The following CPEB1 variants were observed in gnomAD, a reference collection of about 807,000 sequenced individuals.
CPEB1 encodes the protein cytoplasmic polyadenylation element binding protein 1.
Under a neutral mutation model 65.8 loss-of-function variants are expected in CPEB1, and 7 were observed. That is an observed-to-expected ratio of 0.11 (90% CI 0.06 to 0.20). The LOEUF is 0.20. CPEB1 is among the 10% of genes least tolerant of loss of function. The pLI is 1.00. For synonymous variants in CPEB1, 262 were observed against 260.0 expected, an observed-to-expected ratio of 1.01 and a Z score of -0.08; for missense variants, 551 against 712.2, an observed-to-expected ratio of 0.77 and a Z score of 2.58.
chr15:82,562,834 CAA>C (rs771713486), intron 4 of CPEB1, among the ~76,000 whole-genome samples: 21 of 105,970 alleles, frequency 2.0e-4, no homozygotes, highest in Non-Finnish European at 1.6e-4. Context: ...AATCCTGTCT[CAA>C]AAAAAAAAAA....
chr15:82,613,903 T>G (rs1452839317), intron 3 of CPEB1, among the ~76,000 whole-genome samples: 1 of 151,678 alleles, frequency 6.6e-6, no homozygotes, highest in Non-Finnish European at 1.5e-5. Flanking sequence ...CCCGGGAGGC[T>G]GCCAGGAAGG....
At chr15:82,615,833 T>C (rs1261630321) in intron 3 of CPEB1, among the ~76,000 whole-genome samples, 1 of 152,064 alleles carries the variant, frequency 6.6e-6, no homozygotes, top group Non-Finnish European at 1.5e-5. Flanking sequence ...AATTAACTTC[T>C]AGGTACATAC....
At chr15:82,611,531 A>G (rs1409190546) in intron 3 of CPEB1, among the ~76,000 whole-genome samples, 1 of 151,954 alleles carries the variant, frequency 6.6e-6, no homozygotes, top group African/African-American at 2.4e-5. Context: ...CTGAGGCAGG[A>G]GGACCCTTTG....
intron 3 of CPEB1, among the ~76,000 whole-genome samples, chr15:82,594,523 G>C (rs2042526433): frequency 6.6e-6 from 1 of 152,296 alleles, no homozygotes; most frequent in African/African-American, 2.4e-5. Flanking sequence ...TGTTGTGGCT[G>C]ATCTGATCTT....
At chr15:82,546,581 G>A (rs962597847) in intron 11 of CPEB1, 60 bp from the exon 12 acceptor site, 46 of 1,234,116 alleles carry the variant, frequency 3.7e-5, no homozygotes, top group African/African-American at 1.3e-4. Flanking sequence ...CTCGATAGGC[G>A]ATAGAAGAAG....
intron 3 of CPEB1, 173 bp from the exon 4 acceptor site, chr15:82,571,705 C>G: frequency 3.5e-6 from 5 of 1,432,446 alleles, no homozygotes; most frequent in Non-Finnish European, 4.5e-6. Flanking sequence ...GGGGCAAGAG[C>G]AGTTGCCATA....
intron 3 of CPEB1, among the ~76,000 whole-genome samples, chr15:82,574,932 T>C (rs1461823656): frequency 6.6e-6 from 1 of 152,162 alleles, no homozygotes; most frequent in Non-Finnish European, 1.5e-5. Flanking sequence ...CATTATAGCT[T>C]AGCCTAGCAT....
chr15:82,630,979 C>T (rs181062195), intron 1 of CPEB1, among the ~76,000 whole-genome samples: 3 of 152,214 alleles, frequency 2.0e-5, no homozygotes, highest in African/African-American at 4.8e-5. Context: ...ATTCCAGATC[C>T]TGGCCACATC....
chr15:82,571,917 A>T (rs1395824604), intron 3 of CPEB1: 5 of 935,528 alleles, frequency 5.3e-6, no homozygotes, highest in African/African-American at 1.8e-5. Context: ...AGGGAAAGAC[A>T]GCACAACAGC....
At position 82,543,547 on chromosome 15, in the gene CPEB1, C is replaced by G. The variant is rs940536276; in HGVS notation, c.*1045G>C. ...CATTTCAGTCAACTGCAACTGTTAT[C>G]TCATACATTCCTCAAATTAAAGATA... On this transcript the variant is annotated 3_prime_UTR_variant, in exon 13 of 13. Coordinates refer to ENST00000684509, the MANE Select transcript of CPEB1 (RefSeq NM_001365242.1). 4 of 148,900 alleles carry G rather than the reference C, an allele frequency of 2.7e-5. No homozygotes were observed. Among genetic ancestry groups the G allele is most frequent in the African/African-American group, 1.0e-4 (4 of 40,142 alleles). The allele number at this position is 148,900 out of a possible 1,614,324, so 9.2% of individuals were successfully genotyped here. A position where few individuals can be genotyped will look rare whatever the true frequency, so the allele number is the denominator to read the frequency against.
At chr15:82,548,311 G>A (rs2035629047) in intron 10 of CPEB1, among the ~76,000 whole-genome samples, 1 of 151,988 alleles carries the variant, frequency 6.6e-6, no homozygotes, top group African/African-American at 2.4e-5. Flanking sequence ...CTCCAGCACG[G>A]CAACAGAGTG....
At chr15:82,561,971 A>G (rs779842997) in intron 4 of CPEB1, among the ~76,000 whole-genome samples, 17 of 152,220 alleles carry the variant, frequency 1.1e-4, no homozygotes, top group Non-Finnish European at 2.1e-4. Context: ...CGTCTAGCAC[A>G]TGTCAAACAC....
chr15:82,585,797 G>C (rs117816978), intron 3 of CPEB1, among the ~76,000 whole-genome samples: 2,686 of 152,250 alleles, frequency 0.018, 29 homozygotes, highest in Non-Finnish European at 0.025. Context: ...TGAATGAACA[G>C]TTTGAGATAT....
chr15:82,628,102 T>G (rs779156492), intron 2 of CPEB1: 1 of 664,874 alleles, frequency 1.5e-6, no homozygotes, highest in Non-Finnish European at 2.7e-6. Context: ...AGAACCCCAA[T>G]AGAGAGAAGG....
rs1005268179 is a variant in CPEB1, at chr15:82,587,835, T to C, written c.272-16303A>G. ...TATCTGGTCATATGTTTTAAGAGTATGTTTATACCTAAGTACAAACATTGA... is the reference window on the plus strand; with the variant it reads ...TATCTGGTCATATGTTTTAAGAGTACGTTTATACCTAAGTACAAACATTGA... On this transcript the variant is annotated intron_variant, in intron 3 of 12. Coordinates refer to ENST00000684509, the MANE Select transcript of CPEB1 (RefSeq NM_001365242.1). Among the ~76,000 whole-genome samples, 37 of 152,220 alleles carry C rather than the reference T, an allele frequency of 2.4e-4. 1 individual carries two copies. The highest frequency in any genetic ancestry group is 8.4e-4 in the African/African-American group (35 of 41,458).
chr15:82,602,673 C>T (rs1282335642), intron 3 of CPEB1, among the ~76,000 whole-genome samples: 2 of 152,076 alleles, frequency 1.3e-5, no homozygotes, highest in African/African-American at 4.8e-5. Flanking sequence ...TGGTGAAAAC[C>T]CGTCTCTACT....
Position 82,556,063 on chromosome 15 carries a change from T to C in CPEB1, c.747A>G (p.Arg249=), listed in dbSNP as rs774415773. The C allele has an allele frequency of 7.9e-5, 127 of 1,611,534 alleles. No homozygotes were observed. Among genetic ancestry groups the C allele is most frequent in the Non-Finnish European group, 1.0e-4 (123 of 1,178,952 alleles). The part of the protein sequence containing the change: ...PFLSLSGGGP[R]DPLKMGVGSR... ...ACCCTACCCCCATCTTTAAAGGGTC[T>C]CTGGGACCACCCCCTGACAGAGACA... The change falls in exon 6 of 13, where the codon AGA becomes AGG. Residue 249 remains arginine, a synonymous_variant. Coordinates refer to ENST00000684509, the MANE Select transcript of CPEB1 (RefSeq NM_001365242.1).
At chr15:82,580,455 T>C (rs1331448630) in intron 3 of CPEB1, among the ~76,000 whole-genome samples, 1 of 152,220 alleles carries the variant, frequency 6.6e-6, no homozygotes, top group Non-Finnish European at 1.5e-5. Flanking sequence ...GTTTCACTTA[T>C]AATAAAAATG....
intron 1 of CPEB1, among the ~76,000 whole-genome samples, chr15:82,646,498 C>A (rs587715142): frequency 1.3e-5 from 2 of 152,148 alleles, no homozygotes; most frequent in East Asian, 3.9e-4. Flanking sequence ...GCGGGCCTGG[C>A]GGGAGGCACC....
Sources: gnomAD v4.1 joint callset for allele counts (sites outside exome capture counted in the v4.1 genomes callset) on GRCh38, gnomAD v4.1.1 for gene constraint, MANE v1.5 for transcripts, NCBI Gene and HGNC (gene_info 2026-07-23, HGNC 2026-07-21) for gene names.